NUP210: variants seen among roughly 807,000 people sequenced by gnomAD.
NUP210 encodes the protein nuclear pore membrane glycoprotein 210.
Under a neutral mutation model 196.0 loss-of-function variants are expected in NUP210, and 151 were observed. The ratio of observed to expected loss-of-function variants is 0.77; its 90% CI spans 0.67 to 0.88. The LOEUF is 0.88. Ranked by LOEUF, NUP210 falls within the 40% of genes least tolerant of loss-of-function variation. NUP210 has a pLI of 0.00. For synonymous variants in NUP210, 1,070 were observed against 1,052.7 expected (o/e 1.02, Z -0.32); for missense variants, 2,314 against 2,493.7 (o/e 0.93, Z 1.53).
intron 3 of NUP210, among the ~76,000 whole-genome samples, chr3:13,392,009 A>G (rs181157492): frequency 1.3e-5 from 2 of 152,052 alleles, no homozygotes; most frequent in Non-Finnish European, 2.9e-5. Flanking sequence ...TCCCTCTGAG[A>G]GCCAGAAGCT....
Position 13,317,743 on chromosome 3 carries a change from G to A in NUP210, c.5602C>T (p.Pro1868Ser), listed in dbSNP as rs1488090454. ...ASSPTSPNAL[P>S]PARKASPPSG... is the part of the protein sequence containing the mutation. ...GGAGGGCTGGCTTTGCGAGCAGGAG[G>A]CAATGCATTGGGAGATGTGGGTGAT... Residue 1868 changes from proline to serine, a missense_variant, in exon 40 of 40, where the codon CCT becomes TCT. Pro to Ser is a moderately conservative substitution (Grantham distance 74, BLOSUM62 -1). Coordinates refer to ENST00000254508, the MANE Select transcript of NUP210 (RefSeq NM_024923.4). 6.2e-7 allele frequency: 1 copy of A among 1,611,920 alleles called. No individual in the cohort carries two copies. Among genetic ancestry groups the A allele is most frequent in the East Asian group, 2.2e-5 (1 of 44,852 alleles).
chr3:13,353,656 C>CA lies in NUP210; in HGVS notation c.2525dup (p.Leu842PhefsTer37). The CA allele has an allele frequency of 6.2e-7, 1 of 1,613,930 alleles. No homozygotes were observed. The highest frequency in any genetic ancestry group is 8.5e-7 in the Non-Finnish European group (1 of 1,179,840). On this transcript the variant is annotated frameshift_variant, in exon 18 of 40. Coordinates refer to ENST00000254508, the MANE Select transcript of NUP210 (RefSeq NM_024923.4). LOFTEE classifies it high-confidence loss of function. ...ATGCCTCGTGAACCAAAATGGCCTGCAAACCTGAGACCAGGAAGAAGGAAG... is the reference window on the plus strand; with the variant it reads ...ATGCCTCGTGAACCAAAATGGCCTGCAAAACCTGAGACCAGGAAGAAGGAAG...
At chr3:13,390,768 C>T (rs896403546) in intron 4 of NUP210, among the ~76,000 whole-genome samples, 3 of 152,216 alleles carry the variant, frequency 2.0e-5, no homozygotes, top group Admixed American at 6.5e-5. Flanking sequence ...TTAAGGTGTC[C>T]GCCTCACAAC....
chr3:13,365,372 G>A (rs1214927664), intron 14 of NUP210, among the ~76,000 whole-genome samples: 3 of 152,174 alleles, frequency 2.0e-5, no homozygotes, highest in African/African-American at 4.8e-5. Context: ...GTGGGGGTCA[G>A]GCTGGTCTCA....
intron 1 of NUP210, among the ~76,000 whole-genome samples, chr3:13,416,451 G>A (rs142711831): frequency 3.3e-5 from 5 of 152,334 alleles, no homozygotes; most frequent in African/African-American, 9.6e-5. Flanking sequence ...GCCTGACAGT[G>A]GGTACAAAAG....
intron 16 of NUP210, among the ~76,000 whole-genome samples, chr3:13,355,760 G>A (rs1208197145): frequency 6.6e-6 from 1 of 152,210 alleles, no homozygotes; most frequent in Non-Finnish European, 1.5e-5. Flanking sequence ...TATAGAAGCC[G>A]GGAGTTTGGG....
At chr3:13,358,501 A>C in intron 15 of NUP210, 106 bp from the exon 16 acceptor site, 1 of 1,138,760 alleles carries the variant, frequency 8.8e-7, no homozygotes, top group Non-Finnish European at 1.2e-6. Context: ...TTTCTCCTCT[A>C]TAGGATGGGA....
intron 14 of NUP210, among the ~76,000 whole-genome samples, chr3:13,363,200 C>T (rs902656820): frequency 6.6e-6 from 1 of 152,216 alleles, no homozygotes; most frequent in African/African-American, 2.4e-5. Context: ...TGATTATTAA[C>T]TGTCATCCCC....
In NUP210 at chr3:13,348,739, G is replaced by A. The variant is rs921830222; in HGVS notation, c.2835+3140C>T. On this transcript the variant is annotated intron_variant, in intron 20 of 39. Transcript: ENST00000254508. This position sits in a 1 kb window ranked among gnomAD's most constrained non-coding sequence, Gnocchi z 4.0. ...CTGCTGAGGGCGTCCTGCCATCCAAGGGTCTGCCTCTGAGAAGAACAGGAA... is the reference window on the plus strand; with the variant it reads ...CTGCTGAGGGCGTCCTGCCATCCAAAGGTCTGCCTCTGAGAAGAACAGGAA... 5 of 985,376 alleles carry A rather than the reference G, an allele frequency of 5.1e-6. No homozygotes were observed. Among genetic ancestry groups the A allele is most frequent in the Non-Finnish European group, 3.6e-6 (3 of 829,924 alleles). The allele number at this position is 985,376 out of a possible 1,614,324, so 61.0% of individuals were successfully genotyped here. A position where few individuals can be genotyped will look rare whatever the true frequency, so the allele number is the denominator to read the frequency against.
chr3:13,378,233 G>C lies in NUP210; in HGVS notation c.1046-671C>G, dbSNP rs573171856. 5.3e-5 allele frequency among the ~76,000 whole-genome samples: 8 copies of C among 152,232 alleles called. No homozygotes were observed. In the East Asian group the frequency reaches 9.7e-4, roughly 18 times the overall value. ...TTCTCTGCTTTGAACTCTCAGTCCT[G>C]AGCTGACCTCGCCAGGACCAACCCT... On this transcript the variant is annotated intron_variant, in intron 8 of 39. Coordinates refer to ENST00000254508, the MANE Select transcript of NUP210 (RefSeq NM_024923.4).
At chr3:13,369,617 C>A (rs1194864169) in intron 13 of NUP210, among the ~76,000 whole-genome samples, 1 of 152,176 alleles carries the variant, frequency 6.6e-6, no homozygotes, top group East Asian at 1.9e-4. Context: ...GGTCTAACTT[C>A]ATTCTTATGC....
Position 13,325,888 on chromosome 3 carries a change from G to A in NUP210, c.4551C>T (p.His1517=), listed in dbSNP as rs747257383. ...TWSSSANSIL[H]IDPKTGVAVA... is the part of the protein sequence containing the mutation. ...CAGCCACACCCGTCTTGGGGTCGAT[G>A]TGGAGGATGCTGTTGGCCGAGGAGC... The change falls in exon 33 of 40, where the codon CAC becomes CAT. Residue 1517 remains histidine, a synonymous_variant. Coordinates refer to ENST00000254508, the MANE Select transcript of NUP210 (RefSeq NM_024923.4). 2 of 1,614,020 alleles carry A rather than the reference G, an allele frequency of 1.2e-6. No homozygotes were observed. The highest frequency in any genetic ancestry group is 2.2e-5 in the East Asian group (1 of 44,894).
chr3:13,327,884 G>A (rs112436681), intron 31 of NUP210, among the ~76,000 whole-genome samples: 10 of 152,324 alleles, frequency 6.6e-5, no homozygotes, highest in African/African-American at 2.2e-4. Context: ...TGACCGTGAC[G>A]CAGGCCTGGC....
rs767168252 is a variant in NUP210, at chr3:13,330,608, C to T, written c.3962G>A (p.Arg1321His). 4.3e-6 allele frequency: 7 copies of T among 1,613,930 alleles called. No individual in the cohort carries two copies. In the East Asian group the frequency reaches 6.7e-5, roughly 15 times the overall value. The change falls in exon 30 of 40, where the codon CGC becomes CAC. Residue 1321 changes from arginine (R) to histidine (H), a missense_variant. Coordinates refer to ENST00000254508, the MANE Select transcript of NUP210 (RefSeq NM_024923.4). ...AACCTTTTCGGGTCCATCCAGGACGCGGTAGCTCAGAGAGGCTGCACCATC... is the reference window on the plus strand; with the variant it reads ...AACCTTTTCGGGTCCATCCAGGACGTGGTAGCTCAGAGAGGCTGCACCATC... ...NRDGAASLSY[R>H]VLDGPEKVPV...
intron 20 of NUP210, among the ~76,000 whole-genome samples, chr3:13,346,546 G>A (rs1051518720): frequency 2.6e-5 from 4 of 152,218 alleles, no homozygotes; most frequent in African/African-American, 4.8e-5. Flanking sequence ...ATGTGTCATT[G>A]CTCATTAAGA....
rs148763218 is a variant in NUP210, at chr3:13,350,482, A to C, written c.2835+1397T>G. 2.9e-4 allele frequency among the ~76,000 whole-genome samples: 28 copies of C among 96,864 alleles called. No homozygotes were observed. The highest frequency in any genetic ancestry group is 4.2e-4 in the Admixed American group (4 of 9,566). 63.5% of individuals were successfully genotyped at this position (96,864 alleles called of 152,430 possible). Reference sequence around the variant, plus strand: ...CAAAACAAAACAAAACAAAACAAAAAACAAAACAAAACAGGAAAACATGAC... The same window carrying C: ...CAAAACAAAACAAAACAAAACAAAACACAAAACAAAACAGGAAAACATGAC... On this transcript the variant is annotated intron_variant, in intron 20 of 39. Transcript: ENST00000254508. The surrounding 1 kb of genome is among the most constrained non-coding windows in gnomAD (Gnocchi z 4.1).
chr3:13,341,737 A>T lies in NUP210; in HGVS notation c.3228+11T>A. ...GCTGATCCCACATGGTGTGGGAAGA[A>T]CTCGTCTTACTTCAATCTGTTGTGG... On this transcript the variant is annotated intron_variant, in intron 23 of 39. Transcript: ENST00000254508. 1 of 1,614,052 alleles carries T rather than the reference A, an allele frequency of 6.2e-7. No individual in the cohort carries two copies.
intron 13 of NUP210, among the ~76,000 whole-genome samples, chr3:13,371,318 G>A (rs1698722688): frequency 6.6e-6 from 1 of 152,098 alleles, no homozygotes. Context: ...CCTTCTCCTA[G>A]GGTGGTTGTA....
At chr3:13,388,504 A>G in intron 4 of NUP210, 51 bp from the exon 5 acceptor site, 1 of 1,543,564 alleles carries the variant, frequency 6.5e-7, no homozygotes, top group Non-Finnish European at 8.8e-7. Context: ...CCAACACAAG[A>G]TTTGTCAGAA....
Sources: gnomAD v4.1 joint callset for allele counts (sites outside exome capture counted in the v4.1 genomes callset) on GRCh38, gnomAD v4.1.1 for gene constraint, Gnocchi (gnomAD v3.1) non-coding constraint, MANE v1.5 for transcripts, NCBI Gene and HGNC (gene_info 2026-07-23, HGNC 2026-07-21) for gene names.